Variants in RBMS3 observed in about 807,000 individuals in gnomAD.
RBMS3 encodes the protein RNA-binding motif, single-stranded-interacting protein 3.
A neutral mutation model predicts 66.8 loss-of-function variants in RBMS3; 27 were observed. The observed-to-expected ratio is 0.40, with a 90% CI of 0.30 to 0.56. RBMS3 has a LOEUF of 0.56. Among genes scored for constraint, RBMS3 ranks in the 20% least tolerant of loss-of-function variants. The pLI, the probability that RBMS3 is intolerant of heterozygous loss-of-function variation, is 0.40. For synonymous variants in RBMS3, 188 were observed against 183.0 expected (o/e 1.03, Z -0.22); for missense variants, 513 against 549.5 (o/e 0.93, Z 0.66).
chr3:29,977,345 A>T (rs1697657905), intron 12 of RBMS3, among the ~76,000 whole-genome samples: 1 of 152,156 alleles, frequency 6.6e-6, no homozygotes, highest in Admixed American at 6.6e-5. Context: ...CTCACAGGAA[A>T]TATATAAAAT....
intron 4 of RBMS3, among the ~76,000 whole-genome samples, chr3:29,611,243 A>T (rs949325600): frequency 2.0e-5 from 3 of 152,096 alleles, no homozygotes; most frequent in African/African-American, 7.2e-5. Flanking sequence ...TTTAACAAAG[A>T]AGCCCTGTAA....
chr3:29,341,772 A>G (rs1310851852), intron 1 of RBMS3, among the ~76,000 whole-genome samples: 1 of 152,158 alleles, frequency 6.6e-6, no homozygotes, highest in East Asian at 1.9e-4. Flanking sequence ...CCTATTTAAC[A>G]TATATGAAAT....
intron 7 of RBMS3, among the ~76,000 whole-genome samples, chr3:29,881,673 GAAGA>G (rs748064129): frequency 1.3e-5 from 2 of 152,156 alleles, no homozygotes; most frequent in Non-Finnish European, 2.9e-5. Flanking sequence ...AATGTGTGTT[GAAGA>G]AAGACAGTTT....
At chr3:29,536,986 A>G (rs1419054957) in intron 3 of RBMS3, among the ~76,000 whole-genome samples, 2 of 152,240 alleles carry the variant, frequency 1.3e-5, no homozygotes, top group African/African-American at 4.8e-5. Flanking sequence ...GTTATAAGAC[A>G]GGAAAAAGGA....
At chr3:29,333,167 CAG>C (rs1175110701) in intron 1 of RBMS3, among the ~76,000 whole-genome samples, 4 of 151,964 alleles carry the variant, frequency 2.6e-5, no homozygotes, top group Non-Finnish European at 5.9e-5. Flanking sequence ...ACTTTTATAT[CAG>C]AGAGAAATTA....
intron 1 of RBMS3, among the ~76,000 whole-genome samples, chr3:29,303,679 G>A (rs367599290): frequency 6.6e-6 from 1 of 152,014 alleles, no homozygotes; most frequent in East Asian, 1.9e-4. Context: ...TAAATGGATT[G>A]TGTACTTACC....
chr3:29,685,610 A>C (rs1307187067), intron 4 of RBMS3, among the ~76,000 whole-genome samples: 2 of 152,190 alleles, frequency 1.3e-5, no homozygotes, highest in African/African-American at 2.4e-5. Flanking sequence ...AAGTAGATAC[A>C]CAAAGAGGTA....
intron 1 of RBMS3, among the ~76,000 whole-genome samples, chr3:29,388,644 G>A (rs755445688): frequency 1.3e-5 from 2 of 152,096 alleles, no homozygotes; most frequent in African/African-American, 4.8e-5. Flanking sequence ...GCGCGATCTC[G>A]GCTCACTGCC....
At chr3:29,973,424 G>A (rs1439434192) in intron 12 of RBMS3, among the ~76,000 whole-genome samples, 1 of 151,936 alleles carries the variant, frequency 6.6e-6, no homozygotes, top group African/African-American at 2.4e-5. Context: ...ATATATGTAA[G>A]ATTAACAAGG....
At chr3:29,432,772 T>A (rs2041257125) in intron 1 of RBMS3, among the ~76,000 whole-genome samples, 1 of 152,162 alleles carries the variant, frequency 6.6e-6, no homozygotes, top group Non-Finnish European at 1.5e-5. Context: ...GATACTTAAT[T>A]TGAAATCAGA....
At chr3:29,883,382 A>G (rs1295513285) in intron 7 of RBMS3, among the ~76,000 whole-genome samples, 1 of 152,080 alleles carries the variant, frequency 6.6e-6, no homozygotes, top group Admixed American at 6.6e-5. Flanking sequence ...TATAAAATGG[A>G]GAAAATACTC....
chr3:29,774,753 A>G (rs1664806570), intron 6 of RBMS3, among the ~76,000 whole-genome samples: 1 of 152,092 alleles, frequency 6.6e-6, no homozygotes, highest in African/African-American at 2.4e-5. Flanking sequence ...AAGCTGGAAT[A>G]TGGAAGCAAA....
chr3:29,948,312 G>A (rs963600657), intron 12 of RBMS3, among the ~76,000 whole-genome samples: 1 of 151,660 alleles, frequency 6.6e-6, no homozygotes, highest in Admixed American at 6.6e-5. Flanking sequence ...TTTTGTTTCA[G>A]CAATCTAAGT....
chr3:29,845,867 T>C (rs1225683005), intron 6 of RBMS3, among the ~76,000 whole-genome samples: 3 of 152,156 alleles, frequency 2.0e-5, no homozygotes, highest in Non-Finnish European at 4.4e-5. Context: ...AGAAGCAGTG[T>C]TTCAGCTGAG....
chr3:29,531,346 T>A (rs1255623005), intron 3 of RBMS3, among the ~76,000 whole-genome samples: 2 of 152,242 alleles, frequency 1.3e-5, no homozygotes. Flanking sequence ...TGTAGTCAAA[T>A]GCTGTGTAAG....
At chr3:29,651,073 C>G (rs935429602) in intron 4 of RBMS3, among the ~76,000 whole-genome samples, 1 of 151,916 alleles carries the variant, frequency 6.6e-6, no homozygotes, top group Non-Finnish European at 1.5e-5. Flanking sequence ...TTTATCAAAC[C>G]AATAGGCCAT....
Position 29,991,207 on chromosome 3 carries a change from TAAGTAA to T in RBMS3, c.1306_1307+4del. ...CACCTGCATATTCTTACCAACAGTCTAAGTAAGTCTGGGCTGTGCTAAGCTCTTTTC... is the reference window on the plus strand; with the variant it reads ...CACCTGCATATTCTTACCAACAGTCTGTCTGGGCTGTGCTAAGCTCTTTTC... On this transcript the variant is annotated splice_donor_variant and splice_donor_region_variant and coding_sequence_variant and intron_variant, in exon 14 of 15. Coordinates refer to ENST00000383767, the MANE Select transcript of RBMS3 (RefSeq NM_001003793.3). LOFTEE classifies it high-confidence loss of function. 6.2e-7 allele frequency: 1 copy of T among 1,612,754 alleles called. No individual in the cohort carries two copies. Among genetic ancestry groups the T allele is most frequent in the South Asian group, 1.1e-5 (1 of 91,080 alleles).
intron 11 of RBMS3, among the ~76,000 whole-genome samples, chr3:29,936,431 T>C (rs1210975676): frequency 3.3e-5 from 5 of 152,112 alleles, no homozygotes; most frequent in Non-Finnish European, 7.4e-5. Flanking sequence ...TCTTGTTTTT[T>C]ATGGTACAAT....
chr3:29,854,903 G>A (rs901571981), intron 6 of RBMS3, among the ~76,000 whole-genome samples: 2 of 152,140 alleles, frequency 1.3e-5, no homozygotes, highest in African/African-American at 4.8e-5. Context: ...ATGCATCACT[G>A]TGATGCCTGC....
Sources: allele counts gnomAD v4.1 joint callset (sites outside exome capture counted in the v4.1 genomes callset), GRCh38; gene constraint gnomAD v4.1.1; transcripts MANE v1.5; gene names NCBI Gene and HGNC (gene_info 2026-07-23, HGNC 2026-07-21).